The following FAM169A variants were observed in gnomAD, a reference collection of about 807,000 sequenced individuals.
The protein encoded by FAM169A is soluble lamin-associated protein of 75 kDa.
A neutral mutation model predicts 75.7 loss-of-function variants in FAM169A; 24 were observed. The observed-to-expected ratio is 0.32, with a 90% CI of 0.23 to 0.45. The LOEUF (loss-of-function observed/expected upper bound fraction) is 0.45, where lower values mean the gene tolerates loss of function less well. FAM169A is among the 20% of genes least tolerant of loss of function. FAM169A has a pLI of 1.00. For missense variants in FAM169A, 673 were observed against 784.0 expected, an observed-to-expected ratio of 0.86 and a Z score of 1.69; for synonymous variants, 271 against 271.0, an observed-to-expected ratio of 1.00 and a Z score of 0.00.
chr5:74,828,515 G>A (rs1351195694), intron 5 of FAM169A, among the ~76,000 whole-genome samples: 1 of 152,094 alleles, frequency 6.6e-6, no homozygotes, highest in African/African-American at 2.4e-5. Context: ...GTGCCCCCAG[G>A]AGCAGGTCTT....
chr5:74,790,425 G>T (rs1449076657), intron 11 of FAM169A, among the ~76,000 whole-genome samples: 3 of 152,192 alleles, frequency 2.0e-5, no homozygotes, highest in Non-Finnish European at 4.4e-5. Context: ...TGCAGCCAAT[G>T]GTTTGGATGA....
intron 5 of FAM169A, among the ~76,000 whole-genome samples, chr5:74,829,684 A>C (rs113540434): frequency 0.024 from 3,656 of 152,198 alleles, 147 homozygotes; most frequent in African/African-American, 0.084. Context: ...GACCCTTTAC[A>C]AGAAGCCCGA....
chr5:74,805,838 T>A (rs772153550), intron 6 of FAM169A, among the ~76,000 whole-genome samples: 4 of 151,986 alleles, frequency 2.6e-5, no homozygotes, highest in Admixed American at 1.3e-4. Flanking sequence ...ATAAATTCCA[T>A]GCAATTCCAA....
intron 1 of FAM169A, among the ~76,000 whole-genome samples, chr5:74,853,348 A>C (rs1355847572): frequency 1.3e-5 from 2 of 152,230 alleles, no homozygotes; most frequent in Non-Finnish European, 2.9e-5. Flanking sequence ...AACACTCTAC[A>C]CATCTCATTC....
In FAM169A at chr5:74,781,802, A is replaced by C. The variant is rs775160427; in HGVS notation, c.1671T>G (p.Ser557=). 2.5e-6 allele frequency: 4 copies of C among 1,614,096 alleles called. No homozygotes were observed. In the Admixed American group the frequency reaches 6.7e-5, roughly 27 times the overall value. ...VIAEFSEEPV[S]ENLSPNTTSS... is the part of the protein sequence containing the mutation. ...AAGTAGTATTAGGAGACAAATTCTC[A>C]GAGACCGGTTCTTCGGAAAATTCAG... Residue 557 remains serine (S), a synonymous_variant, in exon 13 of 13, where the codon TCT becomes TCG. Coordinates refer to ENST00000687041, the MANE Select transcript of FAM169A (RefSeq NM_001376049.1).
chr5:74,820,482 C>T (rs573319112), intron 5 of FAM169A, among the ~76,000 whole-genome samples: 49 of 152,264 alleles, frequency 3.2e-4, no homozygotes, highest in Non-Finnish European at 6.6e-4. Context: ...CGCCCCTACT[C>T]GCCCACTCTA....
chr5:74,808,108 T>C (rs1746981243), intron 6 of FAM169A, among the ~76,000 whole-genome samples: 2 of 152,162 alleles, frequency 1.3e-5, no homozygotes, highest in East Asian at 1.9e-4. Context: ...GACCCACCAA[T>C]TTCATCCTCA....
chr5:74,866,567 C>G (rs902831296), upstream of FAM169A: 28 of 510,642 alleles, frequency 5.5e-5, no homozygotes, highest in Non-Finnish European at 6.8e-5. Flanking sequence ...GGGGGCGTCA[C>G]GCGGCCCCCG....
At chr5:74,815,271 C>A (rs1747412183) in intron 5 of FAM169A, among the ~76,000 whole-genome samples, 1 of 151,754 alleles carries the variant, frequency 6.6e-6, no homozygotes, top group African/African-American at 2.4e-5. Flanking sequence ...CTCACTGCAA[C>A]TTCCACCTCC....
chr5:74,799,392 G>A, intron 10 of FAM169A: 1 of 1,613,112 alleles, frequency 6.2e-7, no homozygotes. Context: ...ACTGGTGGGT[G>A]AGCAAGCACA....
intron 1 of FAM169A, chr5:74,865,633 G>A (rs959881105): frequency 6.6e-6 from 1 of 152,420 alleles, no homozygotes; most frequent in African/African-American, 2.4e-5. Context: ...TCCAGAGGAG[G>A]GAGAATCATA....
chr5:74,866,380 G>A lies in FAM169A; in HGVS notation c.-219C>T, dbSNP rs1234937882. 5 of 984,180 alleles carry A rather than the reference G, an allele frequency of 5.1e-6. No homozygotes were observed. Among genetic ancestry groups the A allele is most frequent in the Admixed American group, 6.2e-5 (1 of 16,154 alleles). The allele number at this position is 984,180 out of a possible 1,614,324, so 61.0% of individuals were successfully genotyped here. On this transcript the variant is annotated 5_prime_UTR_variant, in exon 1 of 13. Coordinates refer to ENST00000687041, the MANE Select transcript of FAM169A (RefSeq NM_001376049.1). ...GGCCCACCGTGCCCTCCGACGACGT[G>A]ACGCACTAGCGCCGCAGCGCCTCCA...
At chr5:74,858,472 T>C (rs1466890659) in intron 1 of FAM169A, among the ~76,000 whole-genome samples, 1 of 152,132 alleles carries the variant, frequency 6.6e-6, no homozygotes, top group Non-Finnish European at 1.5e-5. Context: ...CCTAAAGGAA[T>C]TAACAAAGTA....
chr5:74,835,782 G>GCT (rs1748544151), intron 4 of FAM169A, among the ~76,000 whole-genome samples: 3 of 152,008 alleles, frequency 2.0e-5, no homozygotes, highest in African/African-American at 7.3e-5. Flanking sequence ...AATAGCAGCC[G>GCT]ACTAGCAATA....
chr5:74,845,479 C>A (rs1749106466), intron 1 of FAM169A, among the ~76,000 whole-genome samples: 2 of 152,136 alleles, frequency 1.3e-5, no homozygotes, highest in South Asian at 4.1e-4. Context: ...GATTGTGCCA[C>A]TGCACTCCAG....
chr5:74,837,392 C>T (rs1023732370), intron 4 of FAM169A, among the ~76,000 whole-genome samples: 1 of 152,114 alleles, frequency 6.6e-6, no homozygotes, highest in Non-Finnish European at 1.5e-5. Flanking sequence ...ATTCTCCGAG[C>T]CTTCAGCAGA....
chr5:74,810,778 CAT>C (rs1430536155), intron 6 of FAM169A, among the ~76,000 whole-genome samples: 3 of 129,510 alleles, frequency 2.3e-5, no homozygotes, highest in African/African-American at 5.7e-5. Context: ...AAAAAAAGTA[CAT>C]GTTATTGTAT....
chr5:74,795,525 AT>A (rs149419890), intron 11 of FAM169A, among the ~76,000 whole-genome samples: 10,389 of 152,026 alleles, frequency 0.068, 809 homozygotes, highest in African/African-American at 0.19. Flanking sequence ...GGGTTTATAT[AT>A]TTTTTTCTAG....
rs1430248335 is a variant in FAM169A at position 74,799,043 on chromosome 5, A to G, written c.1103+1837T>C. The G allele has an allele frequency of 2.8e-6, 3 of 1,071,092 alleles. No homozygotes were observed. The African/African-American group carries it at 4.6e-5, about 17-fold the overall frequency. The allele number at this position is 1,071,092 out of a possible 1,614,324, so 66.3% of individuals were successfully genotyped here. A position where few individuals can be genotyped will look rare whatever the true frequency, so the allele number is the denominator to read the frequency against. On this transcript the variant is annotated intron_variant, in intron 10 of 12. Coordinates refer to ENST00000687041, the MANE Select transcript of FAM169A (RefSeq NM_001376049.1). ...GAGCCAATCAACTGTCGTGCCTGAA[A>G]CAGGGATCGTACCCAGATTGCCCTC...
Sources: gnomAD v4.1 joint callset for allele counts (sites outside exome capture counted in the v4.1 genomes callset) on GRCh38, gnomAD v4.1.1 for gene constraint, MANE v1.5 for transcripts, NCBI Gene and HGNC (gene_info 2026-07-23, HGNC 2026-07-21) for gene names.